MDN1: variants seen among roughly 807,000 people sequenced by gnomAD.
MDN1 encodes midasin.
A neutral mutation model predicts 669.2 loss-of-function variants in MDN1; 266 were observed. The ratio of observed to expected loss-of-function variants is 0.40; its 90% CI spans 0.36 to 0.44. The LOEUF is 0.44. MDN1 is among the 20% of genes least tolerant of loss of function. The pLI, the probability that MDN1 is intolerant of heterozygous loss-of-function variation, is 1.00. For missense variants in MDN1, 5,940 were observed against 6,754.0 expected (o/e 0.88, Z 4.22); for synonymous variants, 2,385 against 2,457.1 (o/e 0.97, Z 0.87).
In MDN1 at chr6:89,779,007, A is replaced by C. The variant is rs1465238046; in HGVS notation, c.1725+1205T>G. On this transcript the variant is annotated intron_variant, in intron 11 of 101. Transcript: ENST00000369393. ...AAAAAAAAAATTTTACAGGTGTAGAATCTGCATATAATCTATGCACACCTT... is the reference window on the plus strand; with the variant it reads ...AAAAAAAAAATTTTACAGGTGTAGACTCTGCATATAATCTATGCACACCTT... Among the ~76,000 whole-genome samples, 4 of 151,738 alleles carry C rather than the reference A, an allele frequency of 2.6e-5. No homozygotes were observed. In the East Asian group the frequency reaches 7.7e-4, roughly 29 times the overall value.
intron 62 of MDN1, among the ~76,000 whole-genome samples, chr6:89,693,474 A>G (rs557089569): frequency 1.2e-4 from 18 of 152,324 alleles, no homozygotes; most frequent in African/African-American, 4.3e-4. Flanking sequence ...GATCTACCCA[A>G]TGTCTAAAAC....
intron 15 of MDN1, among the ~76,000 whole-genome samples, chr6:89,770,889 T>C (rs568559105): frequency 1.3e-5 from 2 of 152,294 alleles, no homozygotes; most frequent in East Asian, 1.9e-4. Flanking sequence ...TCTTCCATCA[T>C]ATGACCTTTG....
At chr6:89,681,903 CA>C (rs1205076743) in intron 73 of MDN1, among the ~76,000 whole-genome samples, 3 of 151,936 alleles carry the variant, frequency 2.0e-5, no homozygotes, top group African/African-American at 7.3e-5. Context: ...CCTCCTGCCT[CA>C]GCCTCCCAAG....
chr6:89,700,106 A>G lies in MDN1; in HGVS notation c.8827T>C (p.Tyr2943His), dbSNP rs761890448. 1.2e-6 allele frequency: 2 copies of G among 1,614,204 alleles called. No homozygotes were observed. The highest frequency in any genetic ancestry group is 1.7e-6 in the Non-Finnish European group (2 of 1,180,036). Residue 2943 changes from tyrosine (Y) to histidine (H), a missense_variant, in exon 57 of 102, where the codon TAC (tyrosine) becomes CAC (histidine). By Grantham distance (83) the Tyr-to-His change is moderately conservative. Transcript: ENST00000369393. ...GCCATAAAATCAGCTGTCACTTTGT[A>G]CCGCCAAAGCATAGCCAGGTACTCC... ...AMEYLAMLWRYKVTADFMAQA... is the reference protein window; with the variant it reads ...AMEYLAMLWRHKVTADFMAQA...
intron 64 of MDN1, 56 bp from the exon 65 acceptor site, chr6:89,690,199 A>T: frequency 6.5e-7 from 1 of 1,540,190 alleles, no homozygotes; most frequent in Admixed American, 1.9e-5. Context: ...ACTTCTAATC[A>T]GACTAAAAGG....
Position 89,819,736 on chromosome 6 carries a change from G to T in MDN1, c.-129C>A. 5.6e-6 allele frequency: 4 copies of T among 715,098 alleles called. No individual in the cohort carries two copies. The highest frequency in any genetic ancestry group is 7.2e-6 in the Non-Finnish European group (3 of 414,082). The allele number at this position is 715,098 out of a possible 1,614,324, so 44.3% of individuals were successfully genotyped here. A position where few individuals can be genotyped will look rare whatever the true frequency, so the allele number is the denominator to read the frequency against. On this transcript the variant is annotated 5_prime_UTR_variant, in exon 1 of 102. The change creates a new upstream start codon in the 5' untranslated region. Transcript: ENST00000369393. ...CGCAGGAAAGGCGTCCTCAGCTCCA[G>T]CGCCTACACCGGGAGAGGGGCACCA...
intron 8 of MDN1, among the ~76,000 whole-genome samples, chr6:89,786,650 C>T (rs191508060): frequency 5.9e-5 from 9 of 151,838 alleles, no homozygotes; most frequent in South Asian, 2.1e-4. Flanking sequence ...AGGATTGGGC[C>T]GGGCACGGTG....
At chr6:89,781,144 G>C in intron 10 of MDN1, 1 of 484,836 alleles carries the variant, frequency 2.1e-6, no homozygotes, top group Admixed American at 3.3e-5. Context: ...ATTTTTTAAA[G>C]TTAAAAACAT....
intron 8 of MDN1, among the ~76,000 whole-genome samples, chr6:89,786,381 A>G (rs1818958542): frequency 6.6e-6 from 1 of 152,156 alleles, no homozygotes; most frequent in South Asian, 2.1e-4. Context: ...GCTCGAGTCC[A>G]GGAGTTCAAG....
chr6:89,704,709 T>C (rs1813405005), intron 53 of MDN1, among the ~76,000 whole-genome samples: 1 of 152,042 alleles, frequency 6.6e-6, no homozygotes, highest in Non-Finnish European at 1.5e-5. Flanking sequence ...GCCTCTCGAG[T>C]AGCTGGGACT....
chr6:89,775,212 T>G (rs1021519552), intron 12 of MDN1, among the ~76,000 whole-genome samples: 1 of 152,186 alleles, frequency 6.6e-6, no homozygotes, highest in Admixed American at 6.5e-5. Flanking sequence ...GAACACAGAT[T>G]TTGTTCAGGT....
chr6:89,774,722 A>G lies in MDN1; in HGVS notation c.1833T>C (p.Phe611=). The change falls in exon 13 of 102, where the codon TTT becomes TTC. Residue 611 remains phenylalanine, a synonymous_variant. Coordinates refer to ENST00000369393, the MANE Select transcript of MDN1 (RefSeq NM_014611.3). The stretch of plus-strand genomic sequence containing the variant: ...CAATTTCTGGTTTATAAAGTTGACA[A>G]AAGAATTCAGCCTGTAGGAGGTAAG... The part of the protein sequence containing the change: ...LNISRKKAEF[F]CQLYKPEIVI... The G allele has an allele frequency of 6.2e-7, 1 of 1,612,342 alleles. No homozygotes were observed. Among genetic ancestry groups the G allele is most frequent in the Admixed American group, 1.7e-5 (1 of 60,006 alleles).
At position 89,745,146 on chromosome 6, in the gene MDN1, A is replaced by AG. The variant is rs1554190739; in HGVS notation, c.4178+126_4178+127insC. 6.1e-6 allele frequency: 6 copies of AG among 987,066 alleles called. No homozygotes were observed. In the South Asian group the frequency reaches 7.7e-5, roughly 13 times the overall value. The allele number at this position is 987,066 out of a possible 1,614,324, so 61.1% of individuals were successfully genotyped here. A position where few individuals can be genotyped will look rare whatever the true frequency, so the allele number is the denominator to read the frequency against. On this transcript the variant is annotated intron_variant, in intron 29 of 101. Transcript: ENST00000369393. Reference sequence around the variant, plus strand: ...CTTAGTCTCTTCTTAAAAAAAAAAAAAAAAAAGAAAAAAGAGGAAGGAGGA... The same window carrying AG: ...CTTAGTCTCTTCTTAAAAAAAAAAAAGAAAAAAGAAAAAAGAGGAAGGAGGA...
rs1192694651 is a variant in MDN1, at chr6:89,658,203, G to C, written c.15183+6C>G. 8.1e-6 allele frequency: 13 copies of C among 1,613,810 alleles called. No individual in the cohort carries two copies. Among genetic ancestry groups the C allele is most frequent in the Non-Finnish European group, 1.1e-5 (13 of 1,179,964 alleles). On this transcript the variant is annotated splice_donor_region_variant and intron_variant, in intron 90 of 101. Coordinates refer to ENST00000369393, the MANE Select transcript of MDN1 (RefSeq NM_014611.3). Reference sequence around the variant, plus strand: ...AGCTGGCGGCTGCAGTGAAACCACTGATCACCTCTTTCCCCTGCTCCTTCT... The same window carrying C: ...AGCTGGCGGCTGCAGTGAAACCACTCATCACCTCTTTCCCCTGCTCCTTCT...
rs898817296 is a variant in MDN1 at position 89,749,444 on chromosome 6, A to T, written c.3616-75T>A. 13 of 1,594,218 alleles carry T rather than the reference A, an allele frequency of 8.2e-6. No homozygotes were observed. In the African/African-American group the frequency reaches 1.6e-4, roughly 20 times the overall value. On this transcript the variant is annotated intron_variant, in intron 25 of 101. Transcript: ENST00000369393. ...ATATGGAGGCTCTGACATTCACCAT[A>T]AAATATTAAAGGAGAAGTAAAAACA...
Position 89,794,614 on chromosome 6 carries a change from C to T in MDN1, c.517G>A (p.Val173Ile), listed in dbSNP as rs1819474735. The change falls in exon 3 of 102, where the codon GTC becomes ATC. Residue 173 changes from valine to isoleucine, a missense_variant. This residue lies in a region of MDN1 where 1,203 missense variants were observed against 1,268.9 expected (regional missense o/e 0.95). Transcript: ENST00000369393. ...GTGTCATGGCTTCTGAGGAGAGGGA[C>T]ACACACACTCCAGTCCCAGAGCTCC... is the stretch of plus-strand genomic sequence containing the variant. ...FRELWDWSVC[V>I]PLLRSHDTLV... is the part of the protein sequence containing the mutation. 6.2e-7 allele frequency: 1 copy of T among 1,613,410 alleles called. No individual in the cohort carries two copies. Among genetic ancestry groups the T allele is most frequent in the African/African-American group, 1.3e-5 (1 of 74,888 alleles).
intron 70 of MDN1, 53 bp from the exon 71 acceptor site, chr6:89,685,038 G>T: frequency 8.0e-7 from 1 of 1,244,792 alleles, no homozygotes; most frequent in South Asian, 1.3e-5. Flanking sequence ...ATGTGCTACT[G>T]GTGCCAGCTG....
intron 15 of MDN1, among the ~76,000 whole-genome samples, chr6:89,770,462 T>C (rs919362057): frequency 6.7e-6 from 1 of 150,152 alleles, no homozygotes; most frequent in Non-Finnish European, 1.5e-5. Flanking sequence ...TCTGCTTAAA[T>C]GAAAAATCAT....
intron 88 of MDN1, among the ~76,000 whole-genome samples, chr6:89,660,814 C>T (rs1449284045): frequency 1.3e-5 from 2 of 152,130 alleles, no homozygotes; most frequent in Non-Finnish European, 2.9e-5. Context: ...GCGAGGCCAG[C>T]TCACATCTTT....
Sources: allele counts gnomAD v4.1 joint callset (sites outside exome capture counted in the v4.1 genomes callset), GRCh38; gene constraint gnomAD v4.1.1; regional missense constraint gnomAD v4.1.1; transcripts MANE v1.5; gene names NCBI Gene and HGNC (gene_info 2026-07-23, HGNC 2026-07-21).